Variants in NR1D2 observed in about 807,000 individuals in gnomAD.
NR1D2 encodes nuclear receptor subfamily 1 group D member 2.
Under a neutral mutation model 52.2 loss-of-function variants are expected in NR1D2, and 25 were observed. The ratio of observed to expected loss-of-function variants is 0.48; its 90% CI spans 0.35 to 0.67. The LOEUF (loss-of-function observed/expected upper bound fraction) is 0.67, where lower values mean the gene tolerates loss of function less well. Ranked by LOEUF, NR1D2 falls within the 30% of genes least tolerant of loss-of-function variation. NR1D2 has a pLI of 0.01. For synonymous variants in NR1D2, 259 were observed against 230.1 expected (o/e 1.13, Z -1.14); for missense variants, 681 against 707.2 (o/e 0.96, Z 0.42).
intron 1 of NR1D2, among the ~76,000 whole-genome samples, chr3:23,952,164 T>C (rs999802407): frequency 6.6e-6 from 1 of 152,154 alleles, no homozygotes; most frequent in Non-Finnish European, 1.5e-5. Context: ...GCCCACACTT[T>C]GAGATGGTTG....
At chr3:23,970,370 G>A (rs1184221898) in intron 7 of NR1D2, among the ~76,000 whole-genome samples, 3 of 152,144 alleles carry the variant, frequency 2.0e-5, no homozygotes, top group Non-Finnish European at 2.9e-5. Flanking sequence ...TTCAGGATAG[G>A]AACATGATTT....
At position 23,979,763 on chromosome 3, in the gene NR1D2, C is replaced by T. The variant is rs1706828958; in HGVS notation, c.*2344C>T. On this transcript the variant is annotated 3_prime_UTR_variant, in exon 8 of 8. Transcript: ENST00000312521. ...TTACAAGCACATTCTTTGATTGAGTCATTGGTTATAAACTTACTAAATGCA... is the reference window on the plus strand; with the variant it reads ...TTACAAGCACATTCTTTGATTGAGTTATTGGTTATAAACTTACTAAATGCA... 1 of 152,086 alleles carries T rather than the reference C, an allele frequency of 6.6e-6. No individual in the cohort carries two copies. The highest frequency in any genetic ancestry group is 2.4e-5 in the African/African-American group (1 of 41,432). The allele number at this position is 152,086 out of a possible 1,614,324, so 9.4% of individuals were successfully genotyped here. A position where few individuals can be genotyped will look rare whatever the true frequency, so the allele number is the denominator to read the frequency against.
At position 23,955,037 on chromosome 3, in the gene NR1D2, C is replaced by T. The variant is rs559206732; in HGVS notation, c.283+234C>T. On this transcript the variant is annotated intron_variant, in intron 2 of 7. Transcript: ENST00000312521. ...ACATGTGATTATGTACTCTGCCTGA[C>T]CCTGGTCCCTCTAGGGTACCCTCTT... Among the ~76,000 whole-genome samples, 3 of 152,292 alleles carry T rather than the reference C, an allele frequency of 2.0e-5. No individual in the cohort carries two copies. The South Asian group carries it at 6.2e-4, about 32-fold the overall frequency.
chr3:23,967,990 A>G lies in NR1D2; in HGVS notation c.1510A>G (p.Ser504Gly), dbSNP rs772768776. The G allele has an allele frequency of 3.1e-6, 5 of 1,614,154 alleles. No individual in the cohort carries two copies. In the East Asian group the frequency reaches 6.7e-5, roughly 22 times the overall value. ...NALQLSDEEMSLFTAVVLVSA... is the reference protein window; with the variant it reads ...NALQLSDEEMGLFTAVVLVSA... ...CCTCCAACTTAGTGATGAAGAGATG[A>G]GTTTGTTTACAGCTGTTGTCCTGGT... Residue 504 changes from serine to glycine, a missense_variant, in exon 7 of 8, where the codon AGT (serine) becomes GGT (glycine). By Grantham distance (56) the Ser-to-Gly change is moderately conservative. This residue lies in a region of NR1D2 where 475 missense variants were observed against 454.5 expected (regional missense o/e 1.05). Transcript: ENST00000312521.
chr3:23,970,937 A>G (rs997060507), intron 7 of NR1D2, among the ~76,000 whole-genome samples: 1 of 151,992 alleles, frequency 6.6e-6, no homozygotes, highest in African/African-American at 2.4e-5. Context: ...ATGCACTACT[A>G]CACCCAACTA....
rs1706805858 is a variant in NR1D2, at chr3:23,978,750, T to C, written c.*1331T>C. The C allele has an allele frequency of 6.6e-6, 1 of 152,140 alleles. No homozygotes were observed. Among genetic ancestry groups the C allele is most frequent in the Non-Finnish European group, 1.5e-5 (1 of 67,968 alleles). 9.4% of individuals were successfully genotyped at this position (152,140 alleles called of 1,614,324 possible). On this transcript the variant is annotated 3_prime_UTR_variant, in exon 8 of 8. Transcript: ENST00000312521. ...CTGAGTCCACTTCTTTTTTCCTAAA[T>C]AACACTACAGGGATTTTGTCATATT...
intron 7 of NR1D2, among the ~76,000 whole-genome samples, chr3:23,976,929 TGAC>T (rs1308044472): frequency 3.9e-5 from 6 of 152,204 alleles, no homozygotes; most frequent in African/African-American, 1.4e-4. Flanking sequence ...TGAAATCAGA[TGAC>T]ATCTAATTTT....
rs1465472397 is a variant in NR1D2, at chr3:23,954,072, CTCACTACAG to C, written c.17-464_17-456del. On this transcript the variant is annotated intron_variant, in intron 1 of 7. Coordinates refer to ENST00000312521, the MANE Select transcript of NR1D2 (RefSeq NM_005126.5). ...CTAGAGTGCAGTAGCATGATCATGG[CTCACTACAG>C]CCTTGAACTCCTGGGCTCAAGTGAT... Among the ~76,000 whole-genome samples the C allele has an allele frequency of 2.6e-5, 4 of 152,224 alleles. No homozygotes were observed. In the East Asian group the frequency reaches 7.7e-4, roughly 29 times the overall value.
In NR1D2 at chr3:23,955,097, A is replaced by G. The variant is rs80238456; in HGVS notation, c.283+294A>G. Among the ~76,000 whole-genome samples, 580 of 152,322 alleles carry G rather than the reference A, an allele frequency of 3.8e-3. 6 individuals carry two copies. Among genetic ancestry groups the G allele is most frequent in the African/African-American group, 0.013 (538 of 41,556 alleles). On this transcript the variant is annotated intron_variant, in intron 2 of 7. Transcript: ENST00000312521. ...TTCACAGTTACTTTTCTTCTGAACT[A>G]CTAGAACTAAGTCTTGTTTCTAGAA...
Position 23,945,368 on chromosome 3 carries a change from G to T in NR1D2, c.-211G>T, listed in dbSNP as rs555510712. ...TTTGTTGTCAGGGACCCAGCGAGGA[G>T]CGCCGCTCGCCGGCCGCCGCCACCC... On this transcript the variant is annotated 5_prime_UTR_variant, in exon 1 of 8. Transcript: ENST00000312521. The T allele has an allele frequency of 3.0e-5, 5 of 169,446 alleles. No homozygotes were observed. The highest frequency in any genetic ancestry group is 9.6e-5 in the African/African-American group (4 of 41,608). 10.5% of individuals were successfully genotyped at this position (169,446 alleles called of 1,614,324 possible).
intron 7 of NR1D2, among the ~76,000 whole-genome samples, chr3:23,974,424 ATAT>A (rs1285031089): frequency 2.0e-5 from 3 of 152,146 alleles, no homozygotes; most frequent in Non-Finnish European, 2.9e-5. Flanking sequence ...CAACATTATA[ATAT>A]TATGGGACCA....
At chr3:23,976,376 G>A (rs578059231) in intron 7 of NR1D2, among the ~76,000 whole-genome samples, 59 of 152,332 alleles carry the variant, frequency 3.9e-4, no homozygotes, top group Non-Finnish European at 3.8e-4. Flanking sequence ...TATGATATGT[G>A]CCTCTGACTC....
At position 23,980,503 on chromosome 3, in the gene NR1D2, A is replaced by G. The variant is rs1286900595; in HGVS notation, c.*3084A>G. The G allele has an allele frequency of 6.6e-6, 1 of 152,074 alleles. No individual in the cohort carries two copies. Among genetic ancestry groups the G allele is most frequent in the African/African-American group, 2.4e-5 (1 of 41,408 alleles). 9.4% of individuals were successfully genotyped at this position (152,074 alleles called of 1,614,324 possible). A position where few individuals can be genotyped will look rare whatever the true frequency, so the allele number is the denominator to read the frequency against. ...GATAGAAATACATTGTTGATGGGAT[A>G]TGAGTTAAGTTTATTTTCTACAAAC... On this transcript the variant is annotated 3_prime_UTR_variant, in exon 8 of 8. Transcript: ENST00000312521.
At chr3:23,951,257 T>C (rs866589032) in intron 1 of NR1D2, among the ~76,000 whole-genome samples, 18 of 152,194 alleles carry the variant, frequency 1.2e-4, no homozygotes, top group African/African-American at 3.9e-4. Flanking sequence ...GCAGATCTTG[T>C]GAACATAAAT....
At chr3:23,953,074 C>T (rs1267239954) in intron 1 of NR1D2, among the ~76,000 whole-genome samples, 4 of 151,378 alleles carry the variant, frequency 2.6e-5, no homozygotes, top group Non-Finnish European at 5.9e-5. Context: ...TGCGGTGGCT[C>T]ACACCTGTAA....
intron 2 of NR1D2, among the ~76,000 whole-genome samples, 189 bp from the exon 3 acceptor site, chr3:23,955,848 A>G (rs575193915): frequency 3.3e-5 from 5 of 152,154 alleles, no homozygotes; most frequent in Non-Finnish European, 7.4e-5. Context: ...CAAAACAAAA[A>G]AAAAACACCG....
rs188272588 is a variant in NR1D2, at chr3:23,973,376, G to C, written c.1544-3847G>C. On this transcript the variant is annotated intron_variant, in intron 7 of 7. Transcript: ENST00000312521. Reference sequence around the variant, plus strand: ...CCTATTGTTACTAGGGTACAAACCTGTACACCATGTTACTGTGCTGAGTAC... The same window carrying C: ...CCTATTGTTACTAGGGTACAAACCTCTACACCATGTTACTGTGCTGAGTAC... Among the ~76,000 whole-genome samples, 4 of 152,310 alleles carry C rather than the reference G, an allele frequency of 2.6e-5. No homozygotes were observed. In the East Asian group the frequency reaches 7.7e-4, roughly 29 times the overall value.
intron 7 of NR1D2, among the ~76,000 whole-genome samples, chr3:23,976,363 G>A (rs1706723007): frequency 1.3e-5 from 2 of 152,218 alleles, no homozygotes; most frequent in South Asian, 2.1e-4. Context: ...ATGAGAGATA[G>A]GATATGATAT....
rs1706817016 is a variant in NR1D2 at position 23,979,354 on chromosome 3, A to G, written c.*1935A>G. On this transcript the variant is annotated 3_prime_UTR_variant, in exon 8 of 8. Coordinates refer to ENST00000312521, the MANE Select transcript of NR1D2 (RefSeq NM_005126.5). Reference sequence around the variant, plus strand: ...ATAATTTTTTTTCCTAAGATAAACAAATGCATAGTTTTCTTCTATGGGTGA... The same window carrying G: ...ATAATTTTTTTTCCTAAGATAAACAGATGCATAGTTTTCTTCTATGGGTGA... The G allele has an allele frequency of 1.3e-5, 2 of 152,072 alleles. No individual in the cohort carries two copies. Among genetic ancestry groups the G allele is most frequent in the Admixed American group, 1.3e-4 (2 of 15,286 alleles). The allele number at this position is 152,072 out of a possible 1,614,324, so 9.4% of individuals were successfully genotyped here. A position where few individuals can be genotyped will look rare whatever the true frequency, so the allele number is the denominator to read the frequency against.
Sources: gnomAD v4.1 joint callset for allele counts (sites outside exome capture counted in the v4.1 genomes callset) on GRCh38, gnomAD v4.1.1 for gene constraint, gnomAD v4.1.1 regional missense constraint, MANE v1.5 for transcripts, NCBI Gene and HGNC (gene_info 2026-07-23, HGNC 2026-07-21) for gene names.